GART: variants seen among roughly 807,000 people sequenced by gnomAD.
GART encodes the protein phosphoribosylglycinamide formyltransferase, phosphoribosylglycinamide synthetase, phosphoribosylaminoimidazole synthetase, also known as trifunctional purine biosynthetic protein adenosine-3.
Under a neutral mutation model 107.2 loss-of-function variants are expected in GART, and 43 were observed. The observed-to-expected ratio is 0.40, with a 90% CI of 0.31 to 0.52. The LOEUF is 0.52. GART is among the 20% of genes least tolerant of loss of function. GART has a pLI of 0.52. For synonymous variants in GART, 434 were observed against 427.0 expected (o/e 1.02, Z -0.20); for missense variants, 1,107 against 1,206.5 (o/e 0.92, Z 1.22).
chr21:33,525,542 T>G (rs1161376270), intron 10 of GART, among the ~76,000 whole-genome samples: 1 of 152,126 alleles, frequency 6.6e-6, no homozygotes, highest in African/African-American at 2.4e-5. Context: ...GCAATTCTCT[T>G]GCCTCAACCT....
intron 1 of GART, among the ~76,000 whole-genome samples, chr21:33,541,134 A>AT (rs566815179): frequency 2.2e-4 from 34 of 152,154 alleles, no homozygotes; most frequent in Middle Eastern, 6.8e-3. Flanking sequence ...AAATAAACAG[A>AT]TTTTTTATTT....
At chr21:33,509,988 A>G in intron 17 of GART, 68 bp from the exon 18 acceptor site, 2 of 1,428,460 alleles carry the variant, frequency 1.4e-6, no homozygotes, top group Non-Finnish European at 1.9e-6. Flanking sequence ...ATGGAAAGAA[A>G]AATATTTTAT....
chr21:33,512,860 T>C (rs1057324782), intron 16 of GART, among the ~76,000 whole-genome samples: 8 of 151,974 alleles, frequency 5.3e-5, no homozygotes, highest in Non-Finnish European at 1.2e-4. Flanking sequence ...GCTGGGATTA[T>C]AGGCATGAGC....
At chr21:33,542,629 A>G (rs2085473597), upstream of GART, 1 of 162,234 alleles carries the variant, frequency 6.2e-6, no homozygotes, top group African/African-American at 2.4e-5. Flanking sequence ...TCCCGGATGC[A>G]TATCCCTGTC....
chr21:33,513,339 A>C (rs995667396), intron 16 of GART, among the ~76,000 whole-genome samples: 4 of 152,068 alleles, frequency 2.6e-5, no homozygotes, highest in African/African-American at 9.7e-5. Flanking sequence ...TAGGAGGCCG[A>C]GGCCCGCAGA....
chr21:33,511,155 C>G, intron 17 of GART, 97 bp downstream of exon 17: 1 of 1,284,904 alleles, frequency 7.8e-7, no homozygotes, highest in Non-Finnish European at 1.1e-6. Flanking sequence ...GATGGCTGCA[C>G]TAAAAGGTGG....
chr21:33,517,384 G>A lies in GART; in HGVS notation c.1927C>T (p.Pro643Ser), dbSNP rs139548106. The part of the protein sequence containing the change: ...KSSLQYSSPA[P>S]DGCGDQTLGD... ...AAAGTCTGGTCACCACAACCATCAG[G>A]TGCTGGAGAGGAGTACTGGAGGGAA... The change falls in exon 15 of 22, where the codon CCT (proline) becomes TCT (serine). Residue 643 changes from proline to serine, a missense_variant. Coordinates refer to ENST00000381815, the MANE Select transcript of GART (RefSeq NM_000819.5). 79 of 1,614,026 alleles carry A rather than the reference G, an allele frequency of 4.9e-5. No individual in the cohort carries two copies. Among genetic ancestry groups the A allele is most frequent in the Non-Finnish European group, 6.4e-5 (75 of 1,180,038 alleles).
chr21:33,523,992 A>T, intron 11 of GART: 5 of 915,294 alleles, frequency 5.5e-6, no homozygotes, highest in Non-Finnish European at 6.5e-6. Flanking sequence ...AAAAAAAAAG[A>T]AATCAAAACA....
At chr21:33,528,404 T>A (rs939974353) in intron 9 of GART, 69 bp from the exon 10 acceptor site, 1 of 1,569,356 alleles carries the variant, frequency 6.4e-7, no homozygotes, top group Non-Finnish European at 8.7e-7. Context: ...TATTCACTGG[T>A]GTACTAGCAG....
Position 33,517,055 on chromosome 21 carries a change from T to A in GART, c.2041A>T (p.Ile681Phe). Residue 681 changes from isoleucine to phenylalanine, a missense_variant, in exon 16 of 22, where the codon ATT (isoleucine) becomes TTT (phenylalanine). Physicochemically the swap from Ile to Phe is conservative, Grantham distance 21. Coordinates refer to ENST00000381815, the MANE Select transcript of GART (RefSeq NM_000819.5). ...RSGHVKAFAHITGGGLLENIP... is the reference protein window; with the variant it reads ...RSGHVKAFAHFTGGGLLENIP... ...TTCTCTAGTAATCCTCCACCAGTAA[T>A]ATGGGCAAAGGCTTTGACATGTCCT... is the stretch of plus-strand genomic sequence containing the variant. 1 of 1,613,860 alleles carries A rather than the reference T, an allele frequency of 6.2e-7. No individual in the cohort carries two copies. Among genetic ancestry groups the A allele is most frequent in the Non-Finnish European group, 8.5e-7 (1 of 1,179,870 alleles).
chr21:33,528,402 GGTGTAC>G, intron 9 of GART, 67 bp from the exon 10 acceptor site: 4 of 1,570,006 alleles, frequency 2.5e-6, no homozygotes, highest in Non-Finnish European at 3.5e-6. Flanking sequence ...TTTATTCACT[GGTGTAC>G]TAGCAGAACT....
chr21:33,516,860 C>A (rs1230450405), intron 16 of GART, 129 bp downstream of exon 16: 9 of 776,204 alleles, frequency 1.2e-5, no homozygotes, highest in Non-Finnish European at 1.8e-5. Context: ...TTTTTCCCTC[C>A]CAAAACCCCC....
At chr21:33,509,667 A>T in intron 18 of GART, 116 bp downstream of exon 18, 1 of 1,030,464 alleles carries the variant, frequency 9.7e-7, no homozygotes. Context: ...GACAACCCTC[A>T]TGATTCCCCC....
rs564739592 is a variant in GART at position 33,521,427 on chromosome 21, C to T, written c.1394-412G>A. 2.6e-4 allele frequency among the ~76,000 whole-genome samples: 40 copies of T among 151,092 alleles called. No individual in the cohort carries two copies. The South Asian group carries it at 4.4e-3, about 17-fold the overall frequency. On this transcript the variant is annotated intron_variant, in intron 12 of 21. Coordinates refer to ENST00000381815, the MANE Select transcript of GART (RefSeq NM_000819.5). Reference sequence around the variant, plus strand: ...CGGGTGGATCACAAGGTCAGGAGATCGAGACCATCCTGGTTAACACAGTGA... The same window carrying T: ...CGGGTGGATCACAAGGTCAGGAGATTGAGACCATCCTGGTTAACACAGTGA...
chr21:33,531,233 GA>G (rs142958425), intron 6 of GART: 46,930 of 440,616 alleles, frequency 0.11, 3,198 homozygotes, highest in Non-Finnish European at 0.14. Context: ...GAAAAAGCAT[GA>G]ATGCTTGAAT....
intron 17 of GART, 47 bp downstream of exon 17, chr21:33,511,205 T>C: frequency 6.2e-7 from 1 of 1,600,348 alleles, no homozygotes. Flanking sequence ...ATAGCTAAAA[T>C]TATACAGCTA....
intron 16 of GART, among the ~76,000 whole-genome samples, chr21:33,512,665 T>C (rs2084806364): frequency 6.6e-6 from 1 of 152,114 alleles, no homozygotes; most frequent in African/African-American, 2.4e-5. Context: ...CACGGCTCAC[T>C]GTAGCCTTGA....
Position 33,522,256 on chromosome 21 carries a change from A to G in GART, c.1325T>C (p.Val442Ala). The G allele has an allele frequency of 6.2e-7, 1 of 1,613,752 alleles. No individual in the cohort carries two copies. Among genetic ancestry groups the G allele is most frequent in the Non-Finnish European group, 8.5e-7 (1 of 1,179,752 alleles). The change falls in exon 12 of 22, where the codon GTA becomes GCA. Residue 442 changes from valine to alanine, a missense_variant. Val to Ala is a moderately conservative substitution (Grantham distance 64). Transcript: ENST00000381815. Reference protein sequence around the residue: ...PRSLTYKESGVDIAAGNMLVK... With the variant: ...PRSLTYKESGADIAAGNMLVK... ...CAGCATATTTCCAGCTGCGATATCT[A>G]CTCCAGATTCCTTGTAAGTCAAACT...
At chr21:33,533,992 T>G (rs1488908128) in intron 4 of GART, among the ~76,000 whole-genome samples, 1 of 152,190 alleles carries the variant, frequency 6.6e-6, no homozygotes, top group Non-Finnish European at 1.5e-5. Context: ...AAGTGTATTT[T>G]TCCCCTGAGG....
Sources: allele counts gnomAD v4.1 joint callset (sites outside exome capture counted in the v4.1 genomes callset), GRCh38; gene constraint gnomAD v4.1.1; transcripts MANE v1.5; gene names NCBI Gene and HGNC (gene_info 2026-07-23, HGNC 2026-07-21).